Variants in THSD7A observed in about 807,000 individuals in gnomAD.
THSD7A encodes the protein thrombospondin type 1 domain containing 7A.
In THSD7A, 96 loss-of-function variants were observed where a neutral mutation model predicts 231.3. That is an observed-to-expected ratio of 0.41 (90% confidence interval 0.35 to 0.49). The LOEUF (loss-of-function observed/expected upper bound fraction) is 0.49. Among genes scored for constraint, THSD7A ranks in the 20% least tolerant of loss-of-function variants. THSD7A has a pLI of 0.05. For synonymous variants in THSD7A, 940 were observed against 743.3 expected, an observed-to-expected ratio of 1.26 and a Z score of -4.30; for missense variants, 2,290 against 2,070.2, an observed-to-expected ratio of 1.11 and a Z score of -2.06.
rs112026510 is a variant in THSD7A at position 11,794,506 on chromosome 7, C to G, written c.190+37251G>C. ...TACACATCGACTTCCTTCTCTCCCC[C>G]CTGCCTCTTTTGTATCAGGCAACAT... is the stretch of plus-strand genomic sequence containing the variant. On this transcript the variant is annotated intron_variant, in intron 1 of 27. Transcript: ENST00000423059. 3.4e-4 allele frequency among the ~76,000 whole-genome samples: 52 copies of G among 152,044 alleles called. No individual in the cohort carries two copies. In the East Asian group the frequency reaches 3.9e-3, roughly 11 times the overall value.
At chr7:11,445,989 A>G in intron 13 of THSD7A, 72 bp downstream of exon 13, 2 of 1,566,868 alleles carry the variant, frequency 1.3e-6, no homozygotes, top group East Asian at 2.2e-5. Flanking sequence ...CTTCCATTCC[A>G]CTATGATGCG....
Position 11,374,524 on chromosome 7 carries a change from A to C in THSD7A, c.*1270T>G, listed in dbSNP as rs1260132115. 2 of 152,140 alleles carry C rather than the reference A, an allele frequency of 1.3e-5. No individual in the cohort carries two copies. The highest frequency in any genetic ancestry group is 1.5e-5 in the Non-Finnish European group (1 of 68,006). The allele number at this position is 152,140 out of a possible 1,614,324, so 9.4% of individuals were successfully genotyped here. A position where few individuals can be genotyped will look rare whatever the true frequency, so the allele number is the denominator to read the frequency against. The stretch of plus-strand genomic sequence containing the variant: ...AACTGGGAAATCAGAGAGAAAGAAA[A>C]ATCAACATATAATTTTGATTTCCTT... On this transcript the variant is annotated 3_prime_UTR_variant, in exon 28 of 28. Transcript: ENST00000423059.
intron 2 of THSD7A, among the ~76,000 whole-genome samples, chr7:11,631,233 C>G (rs542654415): frequency 1.4e-4 from 22 of 152,276 alleles, no homozygotes; most frequent in African/African-American, 5.1e-4. Flanking sequence ...TCCTCCGTCT[C>G]TGAGGCACAG....
intron 7 of THSD7A, among the ~76,000 whole-genome samples, chr7:11,481,530 T>C (rs1488523172): frequency 3.9e-5 from 6 of 152,168 alleles, no homozygotes; most frequent in Non-Finnish European, 7.3e-5. Flanking sequence ...TACAAAGAAC[T>C]CTAATGACTG....
intron 2 of THSD7A, 34 bp from the exon 3 acceptor site, chr7:11,593,536 T>C (rs1424531500): frequency 1.9e-6 from 3 of 1,602,506 alleles, no homozygotes; most frequent in Non-Finnish European, 2.6e-6. Flanking sequence ...CATTACAGAC[T>C]CACAGGCAGT....
At chr7:11,829,683 A>T (rs564079388) in intron 1 of THSD7A, among the ~76,000 whole-genome samples, 5 of 152,082 alleles carry the variant, frequency 3.3e-5, no homozygotes, top group South Asian at 4.1e-4. Context: ...ACACATAGTG[A>T]TTCTGTAACT....
intron 2 of THSD7A, among the ~76,000 whole-genome samples, chr7:11,615,357 GA>G (rs1055910825): frequency 1.3e-5 from 2 of 152,132 alleles, no homozygotes; most frequent in African/African-American, 4.8e-5. Flanking sequence ...ACCTCTGCTG[GA>G]GCTGTCTCCT....
chr7:11,719,492 C>T (rs10499411), intron 1 of THSD7A, among the ~76,000 whole-genome samples: 52,729 of 151,310 alleles, frequency 0.35, 9,538 homozygotes, highest in South Asian at 0.51. Context: ...CATTAATTGA[C>T]AATTTGCAAA....
At chr7:11,469,086 A>G (rs150438313) in intron 9 of THSD7A, among the ~76,000 whole-genome samples, 2 of 152,258 alleles carry the variant, frequency 1.3e-5, no homozygotes, top group East Asian at 1.9e-4. Context: ...GAATCTCTCT[A>G]GTAAGTGTTA....
intron 1 of THSD7A, among the ~76,000 whole-genome samples, chr7:11,645,230 T>C (rs1425711602): frequency 6.6e-6 from 1 of 151,896 alleles, no homozygotes; most frequent in Admixed American, 6.6e-5. Context: ...AATTATTTAT[T>C]TAATTGGTTT....
At chr7:11,599,190 C>T (rs540947742) in intron 2 of THSD7A, among the ~76,000 whole-genome samples, 1 of 152,212 alleles carries the variant, frequency 6.6e-6, no homozygotes, top group Admixed American at 6.5e-5. Flanking sequence ...CTTAGTATTA[C>T]CATGCCCTGT....
intron 1 of THSD7A, among the ~76,000 whole-genome samples, chr7:11,747,859 G>T (rs949727189): frequency 6.6e-6 from 1 of 151,838 alleles, no homozygotes; most frequent in African/African-American, 2.4e-5. Flanking sequence ...GAGATTCTTG[G>T]CAGAGATCAA....
At chr7:11,670,357 G>A (rs1055206119) in intron 1 of THSD7A, among the ~76,000 whole-genome samples, 3 of 152,180 alleles carry the variant, frequency 2.0e-5, no homozygotes, top group African/African-American at 7.2e-5. Context: ...AAGGTTTAAG[G>A]GCCTGAGGCT....
intron 1 of THSD7A, among the ~76,000 whole-genome samples, chr7:11,719,541 A>C (rs931160298): frequency 2.4e-4 from 37 of 151,630 alleles, no homozygotes; most frequent in African/African-American, 8.7e-4. Context: ...GTCATTATCT[A>C]AGGTACTTCC....
intron 1 of THSD7A, among the ~76,000 whole-genome samples, chr7:11,775,307 A>G (rs995507199): frequency 6.6e-6 from 1 of 152,180 alleles, no homozygotes; most frequent in African/African-American, 2.4e-5. Context: ...AAACCCATTA[A>G]ACATATAATT....
intron 5 of THSD7A, among the ~76,000 whole-genome samples, chr7:11,542,329 G>C (rs893253334): frequency 5.9e-5 from 9 of 152,164 alleles, no homozygotes; most frequent in African/African-American, 9.7e-5. Flanking sequence ...AGAATCACTA[G>C]AAGACTGGTC....
chr7:11,747,410 G>A (rs893574144), intron 1 of THSD7A, among the ~76,000 whole-genome samples: 1 of 151,920 alleles, frequency 6.6e-6, no homozygotes, highest in African/African-American at 2.4e-5. Flanking sequence ...TGAAAATAAA[G>A]TGAATTTGAG....
chr7:11,644,967 C>T (rs1245410067), intron 1 of THSD7A, among the ~76,000 whole-genome samples: 1 of 151,856 alleles, frequency 6.6e-6, no homozygotes. Flanking sequence ...GTGACAACTT[C>T]CTTAGGTTAC....
intron 23 of THSD7A, among the ~76,000 whole-genome samples, chr7:11,389,687 CT>C (rs956264790): frequency 2.6e-5 from 4 of 151,758 alleles, no homozygotes; most frequent in African/African-American, 9.7e-5. Context: ...GTTATTGTGC[CT>C]GTTAGTTGAT....
Sources: allele counts gnomAD v4.1 joint callset (sites outside exome capture counted in the v4.1 genomes callset), GRCh38; gene constraint gnomAD v4.1.1; transcripts MANE v1.5; gene names NCBI Gene and HGNC (gene_info 2026-07-23, HGNC 2026-07-21).